Variants in ARB2A observed in about 807,000 individuals in gnomAD.
ARB2A encodes ARB2 cotranscriptional regulator A.
chr5:94,111,158 A>G, the ARB2A span, among the ~76,000 whole-genome samples: 13 of 151,742 alleles, frequency 8.6e-5, no homozygotes, highest in South Asian at 2.5e-3. Context: ...CTTTTTGTAG[A>G]AAAAAAAATT....
chr5:94,055,834 G>C, the ARB2A span: 1 of 985,272 alleles, frequency 1.0e-6, no homozygotes, highest in South Asian at 4.7e-5. Context: ...CTTTTAATCA[G>C]ACATCGAAAC....
At chr5:93,619,749 G>T in the ARB2A span, 1 of 152,074 alleles carries the variant, frequency 6.6e-6, no homozygotes, top group Non-Finnish European at 1.5e-5. Flanking sequence ...TCACAGTGTT[G>T]GCCACATCTT....
chr5:93,655,140 G>A, the ARB2A span, among the ~76,000 whole-genome samples: 6 of 152,138 alleles, frequency 3.9e-5, no homozygotes, highest in Non-Finnish European at 7.4e-5. Flanking sequence ...AGGACTCTAT[G>A]AGATAATATT....
chr5:93,683,672 T>C, the ARB2A span: 1 of 1,608,036 alleles, frequency 6.2e-7, no homozygotes, highest in Non-Finnish European at 8.5e-7. Flanking sequence ...AAAAGATAGT[T>C]CTGGGGCCTC....
At chr5:94,100,303 G>C in the ARB2A span, among the ~76,000 whole-genome samples, 1 of 152,012 alleles carries the variant, frequency 6.6e-6, no homozygotes, top group Non-Finnish European at 1.5e-5. Flanking sequence ...GCAAATAAAT[G>C]GAAAAACATC....
the ARB2A span, among the ~76,000 whole-genome samples, chr5:94,064,394 G>A: frequency 1.3e-5 from 2 of 152,166 alleles, no homozygotes; most frequent in African/African-American, 4.8e-5. Flanking sequence ...GTCCCAGAAG[G>A]CAAAGAGAAA....
the ARB2A span, among the ~76,000 whole-genome samples, chr5:93,870,919 T>C: frequency 2.0e-5 from 3 of 152,258 alleles, no homozygotes; most frequent in Non-Finnish European, 4.4e-5. Flanking sequence ...GAAAAGCAGT[T>C]GTGCACTTGA....
the ARB2A span, among the ~76,000 whole-genome samples, chr5:93,950,252 T>C: frequency 6.6e-6 from 1 of 152,188 alleles, no homozygotes; most frequent in African/African-American, 2.4e-5. Flanking sequence ...CTAGATATCA[T>C]ACACAAATCT....
At chr5:93,784,732 G>C in the ARB2A span, among the ~76,000 whole-genome samples, 2 of 152,100 alleles carry the variant, frequency 1.3e-5, no homozygotes, top group African/African-American at 4.8e-5. Context: ...GAACTACGCA[G>C]CTCTATTATT....
chr5:93,796,622 C>T, the ARB2A span, among the ~76,000 whole-genome samples: 4 of 152,088 alleles, frequency 2.6e-5, no homozygotes, highest in African/African-American at 9.7e-5. Flanking sequence ...TGCTAAATAC[C>T]TGAAACTTCT....
the ARB2A span, among the ~76,000 whole-genome samples, chr5:93,889,645 C>G: frequency 4.6e-5 from 7 of 151,812 alleles, no homozygotes; most frequent in Admixed American, 2.0e-4. Context: ...CATTAGATGG[C>G]AAAAACTCTT....
chr5:93,788,018 C>T, the ARB2A span, among the ~76,000 whole-genome samples: 1 of 152,192 alleles, frequency 6.6e-6, no homozygotes, highest in African/African-American at 2.4e-5. Flanking sequence ...TTTATCCACT[C>T]ATAGTGTTTT....
chr5:93,724,557 T>A, the ARB2A span, among the ~76,000 whole-genome samples: 10 of 152,176 alleles, frequency 6.6e-5, no homozygotes, highest in African/African-American at 2.4e-4. Flanking sequence ...TGTCTTGTAA[T>A]TAATGAAATA....
the ARB2A span, among the ~76,000 whole-genome samples, chr5:94,062,701 G>A: frequency 1.1e-4 from 16 of 152,154 alleles, no homozygotes; most frequent in East Asian, 2.5e-3. Context: ...AAGCAGCTAC[G>A]GTAAGGTGCC....
chr5:94,067,495 G>C, the ARB2A span, among the ~76,000 whole-genome samples: 20 of 152,164 alleles, frequency 1.3e-4, no homozygotes, highest in African/African-American at 4.8e-5. Flanking sequence ...ACAGTATATA[G>C]AATCAACATA....
chr5:94,074,709 T>C, the ARB2A span: 14 of 1,612,920 alleles, frequency 8.7e-6, no homozygotes, highest in Admixed American at 1.3e-4. Context: ...GCCATGTTTA[T>C]CCAAATTGGC....
the ARB2A span, among the ~76,000 whole-genome samples, chr5:93,846,666 T>C: frequency 2.0e-5 from 3 of 152,114 alleles, no homozygotes; most frequent in Non-Finnish European, 4.4e-5. Flanking sequence ...ACTAAAAACA[T>C]CTTGAAAATA....
chr5:93,645,489 G>A, the ARB2A span, among the ~76,000 whole-genome samples: 4 of 151,334 alleles, frequency 2.6e-5, no homozygotes, highest in South Asian at 2.1e-4. Flanking sequence ...CAGGAGAATC[G>A]CTTGAACCCA....
At chr5:93,819,423 A>G in the ARB2A span, among the ~76,000 whole-genome samples, 1 of 152,170 alleles carries the variant, frequency 6.6e-6, no homozygotes, top group African/African-American at 2.4e-5. Flanking sequence ...ACAAATGGCA[A>G]TTTATTTTTA....
Sources: gnomAD v4.1 joint callset for allele counts (sites outside exome capture counted in the v4.1 genomes callset) on GRCh38, gnomAD v4.1.1 for gene constraint, MANE v1.5 for transcripts, NCBI Gene and HGNC (gene_info 2026-07-23, HGNC 2026-07-21) for gene names.